ROBO2: variants seen among roughly 807,000 people sequenced by gnomAD.
The protein encoded by ROBO2 is roundabout guidance receptor 2.
In ROBO2, 53 loss-of-function variants were observed where a neutral mutation model predicts 160.8. The ratio of observed to expected loss-of-function variants is 0.33; its 90% confidence interval spans 0.26 to 0.41. The LOEUF (loss-of-function observed/expected upper bound fraction) is 0.41. ROBO2 is among the 10% of genes least tolerant of loss of function. The pLI is 1.00. For synonymous variants in ROBO2, 664 were observed against 611.7 expected (o/e 1.09, Z -1.26); for missense variants, 1,577 against 1,722.4 (o/e 0.92, Z 1.49).
chr3:77,426,685 GAA>G (rs1331955933), intron 2 of ROBO2, among the ~76,000 whole-genome samples: 3 of 64,440 alleles, frequency 4.7e-5, no homozygotes, highest in African/African-American at 2.2e-4. Context: ...GGTCAGGAAG[GAA>G]GGAAGGAAGG....
At chr3:77,208,539 A>C (rs1029331854) in intron 2 of ROBO2, among the ~76,000 whole-genome samples, 1 of 152,178 alleles carries the variant, frequency 6.6e-6, no homozygotes, top group African/African-American at 2.4e-5. Flanking sequence ...TGACCTGTTA[A>C]AACTTAGCTC....
chr3:77,575,995 G>A (rs958755648), intron 14 of ROBO2, among the ~76,000 whole-genome samples: 1 of 151,998 alleles, frequency 6.6e-6, no homozygotes, highest in Non-Finnish European at 1.5e-5. Flanking sequence ...CGGCGATTTG[G>A]GTTCTTTCAC....
intron 2 of ROBO2, among the ~76,000 whole-genome samples, chr3:76,625,174 A>C (rs980548194): frequency 2.2e-4 from 33 of 152,294 alleles, no homozygotes; most frequent in African/African-American, 7.7e-4. Context: ...AATTTAATAA[A>C]ATTCCCTGTT....
chr3:76,427,389 AAAT>A (rs1456131788), intron 2 of ROBO2, among the ~76,000 whole-genome samples: 2 of 152,112 alleles, frequency 1.3e-5, no homozygotes, highest in Non-Finnish European at 2.9e-5. Context: ...GAAATGGTGA[AAAT>A]ATGATAATGT....
At chr3:77,536,556 A>C (rs543684704) in intron 6 of ROBO2, among the ~76,000 whole-genome samples, 2 of 152,018 alleles carry the variant, frequency 1.3e-5, no homozygotes, top group South Asian at 4.1e-4. Context: ...TACAACCTTC[A>C]TTGTATTGTA....
chr3:76,026,174 C>T (rs186119217), intron 2 of ROBO2, among the ~76,000 whole-genome samples: 14 of 151,974 alleles, frequency 9.2e-5, no homozygotes, highest in Admixed American at 2.6e-4. Flanking sequence ...ATAGATTTGA[C>T]GTAATGGTGA....
chr3:77,156,588 C>T (rs1332155633), intron 2 of ROBO2, among the ~76,000 whole-genome samples: 1 of 151,804 alleles, frequency 6.6e-6, no homozygotes, highest in East Asian at 1.9e-4. Flanking sequence ...TCAAGGATTT[C>T]AGTTGTGTAT....
At position 76,849,883 on chromosome 3, in the gene ROBO2, A is replaced by G. The variant is rs370399994; in HGVS notation, c.110-248131A>G. ...ATTCTGTGCTAGCTCCTAGGATACA[A>G]GAATATATAAAGTTATTTCTAGGCT... On this transcript the variant is annotated intron_variant, in intron 2 of 26. Transcript: ENST00000487694. Among the ~76,000 whole-genome samples, 23 of 152,322 alleles carry G rather than the reference A, an allele frequency of 1.5e-4. No homozygotes were observed. The East Asian group carries it at 2.5e-3, about 17-fold the overall frequency.
chr3:77,019,004 A>G lies in ROBO2; in HGVS notation c.110-79010A>G, dbSNP rs112753448. On this transcript the variant is annotated intron_variant, in intron 2 of 26. Coordinates refer to the ROBO2 transcript ENST00000487694. Reference sequence around the variant, plus strand: ...CCTGATCCAAGTACATCCCCGCTCAAGTTGGTGTGGGGCAACAAGAGCATC... The same window carrying G: ...CCTGATCCAAGTACATCCCCGCTCAGGTTGGTGTGGGGCAACAAGAGCATC... 2.9e-3 allele frequency among the ~76,000 whole-genome samples: 439 copies of G among 152,330 alleles called. 1 individual carries two copies. The highest frequency in any genetic ancestry group is 0.01 in the African/African-American group (420 of 41,586).
chr3:76,146,697 G>GTT (rs1553657639), intron 2 of ROBO2, among the ~76,000 whole-genome samples: 1 of 136,440 alleles, frequency 7.3e-6, no homozygotes, highest in African/African-American at 2.7e-5. Flanking sequence ...GATTACATAG[G>GTT]GTGTGTGTGT....
At chr3:76,449,222 G>A (rs773982024) in intron 2 of ROBO2, among the ~76,000 whole-genome samples, 4 of 152,046 alleles carry the variant, frequency 2.6e-5, no homozygotes, top group Non-Finnish European at 5.9e-5. Flanking sequence ...ATGCTGTACT[G>A]TTATGTATTT....
At chr3:76,335,930 A>G (rs906322201) in intron 2 of ROBO2, among the ~76,000 whole-genome samples, 3 of 152,130 alleles carry the variant, frequency 2.0e-5, no homozygotes, top group Non-Finnish European at 4.4e-5. Context: ...GGACATTACA[A>G]TTTACTTAAA....
chr3:77,449,913 A>AT (rs1284428304), intron 2 of ROBO2, among the ~76,000 whole-genome samples: 1 of 152,042 alleles, frequency 6.6e-6, no homozygotes, highest in Non-Finnish European at 1.5e-5. Flanking sequence ...TGGGCTTTTT[A>AT]TTTTTAACTG....
At chr3:76,192,354 C>T (rs975997592) in intron 2 of ROBO2, among the ~76,000 whole-genome samples, 3 of 152,000 alleles carry the variant, frequency 2.0e-5, no homozygotes, top group African/African-American at 7.2e-5. Context: ...CCATCCTTCT[C>T]CATTCTTTCA....
At chr3:76,624,091 TGAA>T (rs970054167) in intron 2 of ROBO2, among the ~76,000 whole-genome samples, 9 of 152,216 alleles carry the variant, frequency 5.9e-5, no homozygotes, top group Non-Finnish European at 7.3e-5. Context: ...TGTTCTCACC[TGAA>T]GAAGATTATG....
intron 2 of ROBO2, among the ~76,000 whole-genome samples, chr3:76,021,567 TA>T (rs2066575258): frequency 6.6e-6 from 1 of 151,780 alleles, no homozygotes; most frequent in Non-Finnish European, 1.5e-5. Flanking sequence ...ACCACTGCAA[TA>T]AAGCAAACAT....
intron 2 of ROBO2, among the ~76,000 whole-genome samples, chr3:76,915,306 C>T (rs2076231649): frequency 6.6e-6 from 1 of 151,972 alleles, no homozygotes; most frequent in Admixed American, 6.6e-5. Context: ...AGAAACCCAC[C>T]ATAAAAGGAT....
chr3:76,512,164 C>A (rs142155853), intron 2 of ROBO2, among the ~76,000 whole-genome samples: 1 of 151,822 alleles, frequency 6.6e-6, no homozygotes, highest in African/African-American at 2.4e-5. Flanking sequence ...TTTTTAAAAG[C>A]CTTCCTGAAA....
chr3:76,317,513 A>G (rs1181168379), intron 2 of ROBO2, among the ~76,000 whole-genome samples: 3 of 152,182 alleles, frequency 2.0e-5, no homozygotes, highest in Admixed American at 6.5e-5. Flanking sequence ...GAGATTGGGA[A>G]TCTGGAAACT....
Sources: allele counts gnomAD v4.1 joint callset (sites outside exome capture counted in the v4.1 genomes callset), GRCh38; gene constraint gnomAD v4.1.1; transcripts MANE v1.5; gene names NCBI Gene and HGNC (gene_info 2026-07-23, HGNC 2026-07-21).